GBE1: variants seen among roughly 807,000 people sequenced by gnomAD.
GBE1 encodes 1,4-alpha-glucan branching enzyme 1, also known as 1,4-alpha-glucan-branching enzyme.
Under a neutral mutation model 88.8 loss-of-function variants are expected in GBE1, and 70 were observed. The observed-to-expected ratio is 0.79, with a 90% CI of 0.65 to 0.96. The LOEUF (loss-of-function observed/expected upper bound fraction) is 0.96. Among genes scored for constraint, GBE1 ranks in the 40% least tolerant of loss-of-function variants. The probability of loss-of-function intolerance (pLI) is 0.00; values close to 1 mark genes in which losing one functional copy is unlikely to be tolerated. For missense variants in GBE1, 872 were observed against 871.0 expected (o/e 1.00, Z -0.01); for synonymous variants, 284 against 300.1 (o/e 0.95, Z 0.56).
chr3:81,712,004 T>C (rs1403530169), intron 1 of GBE1, among the ~76,000 whole-genome samples: 4 of 152,108 alleles, frequency 2.6e-5, no homozygotes, highest in Non-Finnish European at 2.9e-5. Context: ...TATGAACAGA[T>C]ACTTCTCAAA....
intron 11 of GBE1, among the ~76,000 whole-genome samples, chr3:81,579,170 ATTAAG>A (rs1358112708): frequency 3.3e-4 from 50 of 152,058 alleles, no homozygotes; most frequent in African/African-American, 1.0e-3. Context: ...TACTGGTGAA[ATTAAG>A]TTAAGTTTAC....
chr3:81,725,279 C>T (rs932498216), intron 1 of GBE1, among the ~76,000 whole-genome samples: 1 of 152,078 alleles, frequency 6.6e-6, no homozygotes, highest in Non-Finnish European at 1.5e-5. Flanking sequence ...ACAACACAAG[C>T]AAGTTGTAAA....
In GBE1 at chr3:81,649,729, A is replaced by G; in HGVS notation, c.555+67T>C. 1.5e-6 allele frequency: 2 copies of G among 1,362,580 alleles called. 1 individual carries two copies. The highest frequency in any genetic ancestry group is 2.7e-5 in the South Asian group (2 of 74,032). The allele number at this position is 1,362,580 out of a possible 1,614,324, so 84.4% of individuals were successfully genotyped here. On this transcript the variant is annotated intron_variant, in intron 4 of 15. Transcript: ENST00000429644. ...CATTGAACATTACTATAAAAGTTAT[A>G]AAAGTAAAAATTAACTTTCCTAGAA...
chr3:81,649,300 G>A (rs1322767681), intron 4 of GBE1, among the ~76,000 whole-genome samples: 1 of 152,004 alleles, frequency 6.6e-6, no homozygotes, highest in Non-Finnish European at 1.5e-5. Context: ...CTAATGCAAA[G>A]TATATATCAA....
At chr3:81,615,382 G>A (rs1290144782) in intron 7 of GBE1, among the ~76,000 whole-genome samples, 3 of 152,130 alleles carry the variant, frequency 2.0e-5, no homozygotes, top group Non-Finnish European at 1.5e-5. Flanking sequence ...CAGAACAATT[G>A]TGTCACTAGA....
rs546422295 is a variant in GBE1, at chr3:81,513,375, T to C, written c.1935-14148A>G. On this transcript the variant is annotated intron_variant, in intron 14 of 15. Transcript: ENST00000429644. ...TTCAATTCCAGTACTGCGAAAGGAC[T>C]GAAAGGAATCACTGTGTCGTGGTGA... is the stretch of plus-strand genomic sequence containing the variant. Among the ~76,000 whole-genome samples the C allele has an allele frequency of 3.3e-5, 5 of 151,502 alleles. No homozygotes were observed. In the South Asian group the frequency reaches 6.2e-4, roughly 19 times the overall value.
intron 7 of GBE1, among the ~76,000 whole-genome samples, chr3:81,596,364 A>G (rs9859775): frequency 0.65 from 98,317 of 151,586 alleles, 33,548 homozygotes; most frequent in East Asian, 0.92. Flanking sequence ...GTATACATGC[A>G]CCATGTTGGT....
chr3:81,607,557 T>C (rs1318714591), intron 7 of GBE1, among the ~76,000 whole-genome samples: 1 of 151,912 alleles, frequency 6.6e-6, no homozygotes, highest in African/African-American at 2.4e-5. Flanking sequence ...CAAAAACAAA[T>C]AAAAACAAAA....
At chr3:81,600,066 G>A (rs1462057194) in intron 7 of GBE1, among the ~76,000 whole-genome samples, 3 of 152,144 alleles carry the variant, frequency 2.0e-5, no homozygotes, top group African/African-American at 7.2e-5. Flanking sequence ...GAGGTCAAGA[G>A]ATCAAGATCA....
At chr3:81,759,797 G>A (rs1706654176) in intron 1 of GBE1, among the ~76,000 whole-genome samples, 3 of 151,776 alleles carry the variant, frequency 2.0e-5, no homozygotes. Flanking sequence ...TGGAAATAAA[G>A]TACATGAAAG....
chr3:81,616,197 A>T (rs551742325), intron 7 of GBE1, among the ~76,000 whole-genome samples: 1 of 152,276 alleles, frequency 6.6e-6, no homozygotes, highest in Non-Finnish European at 1.5e-5. Context: ...CATCTTAACA[A>T]GAACTTTATA....
intron 1 of GBE1, among the ~76,000 whole-genome samples, chr3:81,713,087 T>C (rs1451346887): frequency 3.9e-5 from 6 of 152,152 alleles, no homozygotes; most frequent in Non-Finnish European, 7.4e-5. Context: ...AAGATCCTTC[T>C]TGTAAGATGT....
chr3:81,680,336 G>A (rs528055026), intron 2 of GBE1, among the ~76,000 whole-genome samples: 10 of 151,796 alleles, frequency 6.6e-5, no homozygotes, highest in Non-Finnish European at 1.3e-4. Context: ...TACTAAAAAT[G>A]CAAAAACAAA....
chr3:81,610,082 G>A (rs1179851993), intron 7 of GBE1, among the ~76,000 whole-genome samples: 1 of 152,148 alleles, frequency 6.6e-6, no homozygotes, highest in African/African-American at 2.4e-5. Flanking sequence ...AATTAGTATT[G>A]CTCTGAAGTA....
chr3:81,589,938 G>A (rs1172886776), intron 9 of GBE1, among the ~76,000 whole-genome samples: 1 of 151,978 alleles, frequency 6.6e-6, no homozygotes, highest in Non-Finnish European at 1.5e-5. Flanking sequence ...TCAAACGTAG[G>A]TAGGTCATGA....
intron 11 of GBE1, among the ~76,000 whole-genome samples, chr3:81,580,239 C>T (rs541736349): frequency 6.6e-6 from 1 of 151,992 alleles, no homozygotes; most frequent in South Asian, 2.1e-4. Context: ...AATAAGTGAC[C>T]TTTTTTCTCC....
intron 1 of GBE1, among the ~76,000 whole-genome samples, chr3:81,731,979 C>T (rs554078234): frequency 2.6e-5 from 4 of 152,004 alleles, no homozygotes; most frequent in African/African-American, 9.7e-5. Flanking sequence ...ATTTTTGTTT[C>T]TAATTATTAT....
chr3:81,750,607 A>ATATATATGTATATATATATACG (rs1706501660), intron 1 of GBE1, among the ~76,000 whole-genome samples: 4 of 80,142 alleles, frequency 5.0e-5, no homozygotes, highest in Non-Finnish European at 6.3e-5. Context: ...ATATGTGTAT[A>ATATATATGTATATATATATACG]TATATATATG....
rs182806990 is a variant in GBE1 at position 81,523,964 on chromosome 3, C to A, written c.1934+11231G>T. The stretch of plus-strand genomic sequence containing the variant: ...GAACAGTGCTACAATAAAAGAGGAG[C>A]GCAAATATCTGCTCCATATACTGAT... On this transcript the variant is annotated intron_variant, in intron 14 of 15. Transcript: ENST00000429644. Among the ~76,000 whole-genome samples the A allele has an allele frequency of 6.6e-5, 10 of 151,732 alleles. No homozygotes were observed. The East Asian group carries it at 1.8e-3, about 27-fold the overall frequency.
Sources: allele counts gnomAD v4.1 joint callset (sites outside exome capture counted in the v4.1 genomes callset), GRCh38; gene constraint gnomAD v4.1.1; transcripts MANE v1.5; gene names NCBI Gene and HGNC (gene_info 2026-07-23, HGNC 2026-07-21).